LGR4: variants seen among roughly 807,000 people sequenced by gnomAD.
LGR4 encodes leucine rich repeat containing G protein-coupled receptor 4.
A neutral mutation model predicts 84.8 loss-of-function variants in LGR4; 44 were observed. That is an observed-to-expected ratio of 0.52 (90% CI 0.41 to 0.67). LGR4 has a LOEUF of 0.67. Among genes scored for constraint, LGR4 ranks in the 30% least tolerant of loss-of-function variants. The pLI, the probability that LGR4 is intolerant of heterozygous loss-of-function variation, is 0.00. For synonymous variants in LGR4, 429 were observed against 434.3 expected, an observed-to-expected ratio of 0.99 and a Z score of 0.15; for missense variants, 1,032 against 1,131.4, an observed-to-expected ratio of 0.91 and a Z score of 1.26.
chr11:27,400,818 G>A (rs768403954), intron 2 of LGR4, among the ~76,000 whole-genome samples: 10 of 152,034 alleles, frequency 6.6e-5, no homozygotes, highest in African/African-American at 1.4e-4. Context: ...ATTTTCTACC[G>A]TTGACTTCAA....
At chr11:27,428,799 C>CA (rs1431416205) in intron 1 of LGR4, among the ~76,000 whole-genome samples, 1 of 152,128 alleles carries the variant, frequency 6.6e-6, no homozygotes, top group Non-Finnish European at 1.5e-5. Context: ...AGGCTGGACT[C>CA]AAACTCCTGG....
At chr11:27,423,951 C>G (rs544491521) in intron 1 of LGR4, among the ~76,000 whole-genome samples, 1 of 152,088 alleles carries the variant, frequency 6.6e-6, no homozygotes, top group South Asian at 2.1e-4. Flanking sequence ...ATACACACAC[C>G]CAGACACAAA....
intron 1 of LGR4, among the ~76,000 whole-genome samples, chr11:27,418,428 C>T (rs1163262523): frequency 6.6e-6 from 1 of 152,184 alleles, no homozygotes; most frequent in Non-Finnish European, 1.5e-5. Context: ...CTTCTAATGT[C>T]TGTGTTCCAT....
chr11:27,429,785 G>C (rs1000295638), intron 1 of LGR4, among the ~76,000 whole-genome samples: 1 of 152,166 alleles, frequency 6.6e-6, no homozygotes, highest in African/African-American at 2.4e-5. Context: ...AGATTTAAAA[G>C]AGCAAAGGAA....
chr11:27,371,106 T>C (rs2133360383), intron 17 of LGR4, among the ~76,000 whole-genome samples: 1 of 152,304 alleles, frequency 6.6e-6, no homozygotes, highest in East Asian at 1.9e-4. Context: ...ACAATTTGAC[T>C]AAAATATTTA....
At chr11:27,374,106 T>G in intron 13 of LGR4, 60 bp from the exon 14 acceptor site, 2 of 1,050,468 alleles carry the variant, frequency 1.9e-6, no homozygotes, top group Non-Finnish European at 3.0e-6. Context: ...GCCACTTACT[T>G]AGACTATACT....
chr11:27,372,242 C>T (rs749254259), intron 16 of LGR4, 41 bp downstream of exon 16: 20 of 1,081,088 alleles, frequency 1.8e-5, no homozygotes, highest in Admixed American at 1.5e-4. Flanking sequence ...TTAATCAATG[C>T]CTTAAAGGAG....
intron 2 of LGR4, among the ~76,000 whole-genome samples, chr11:27,401,902 C>T (rs1402790850): frequency 1.3e-5 from 2 of 152,114 alleles, no homozygotes; most frequent in Non-Finnish European, 2.9e-5. Flanking sequence ...CACGAAATAA[C>T]AAGGCATGCA....
intron 1 of LGR4, among the ~76,000 whole-genome samples, chr11:27,423,406 G>A (rs1158632998): frequency 6.6e-6 from 1 of 152,182 alleles, no homozygotes; most frequent in Non-Finnish European, 1.5e-5. Flanking sequence ...TTCGCCTCAG[G>A]CGATGAGGCG....
chr11:27,418,579 A>G (rs1191507685), intron 1 of LGR4, among the ~76,000 whole-genome samples: 3 of 152,188 alleles, frequency 2.0e-5, no homozygotes, highest in Non-Finnish European at 2.9e-5. Context: ...TGGAATCCTT[A>G]AGAGGACAGA....
At chr11:27,452,282 G>A (rs1864493705) in intron 1 of LGR4, among the ~76,000 whole-genome samples, 1 of 152,146 alleles carries the variant, frequency 6.6e-6, no homozygotes, top group African/African-American at 2.4e-5. Context: ...AGACTCACTA[G>A]AAGTTGCAAA....
chr11:27,445,027 C>T (rs1864365266), intron 1 of LGR4, among the ~76,000 whole-genome samples: 1 of 152,166 alleles, frequency 6.6e-6, no homozygotes, highest in Non-Finnish European at 1.5e-5. Context: ...TGTAAATGTG[C>T]TTATTTCAAA....
At chr11:27,388,794 T>C (rs1863232180) in intron 4 of LGR4, among the ~76,000 whole-genome samples, 1 of 152,156 alleles carries the variant, frequency 6.6e-6, no homozygotes, top group Non-Finnish European at 1.5e-5. Flanking sequence ...ATTTTAAAAC[T>C]GAGAAAAACC....
intron 10 of LGR4, chr11:27,379,151 G>T: frequency 5.0e-6 from 1 of 199,592 alleles, no homozygotes; most frequent in Non-Finnish European, 9.9e-6. Flanking sequence ...TTTTCTTTCA[G>T]TCAAACTGGC....
At position 27,369,239 on chromosome 11, in the gene LGR4, C is replaced by T. The variant is rs536392836; in HGVS notation, c.1580-96G>A. 6.3e-6 allele frequency: 6 copies of T among 951,338 alleles called. No individual in the cohort carries two copies. The African/African-American group carries it at 6.6e-5, about 11-fold the overall frequency. The allele number at this position is 951,338 out of a possible 1,614,324, so 58.9% of individuals were successfully genotyped here. On this transcript the variant is annotated intron_variant, in intron 17 of 17. Coordinates refer to ENST00000379214, the MANE Select transcript of LGR4 (RefSeq NM_018490.5). ...TTGATAGAAAAACTAATGATATAGA[C>T]TAATTAAATCTGCTCTCTACTTGAA...
chr11:27,367,610 C>A lies in LGR4; in HGVS notation c.*257G>T. On this transcript the variant is annotated 3_prime_UTR_variant, in exon 18 of 18. Coordinates refer to ENST00000379214, the MANE Select transcript of LGR4 (RefSeq NM_018490.5). ...CTAACATTATATTGCTCTACTACACCTAAGATCCTTTTCAAGTCATATATT... is the reference window on the plus strand; with the variant it reads ...CTAACATTATATTGCTCTACTACACATAAGATCCTTTTCAAGTCATATATT... 2.9e-6 allele frequency: 1 copy of A among 340,192 alleles called. No homozygotes were observed. Among genetic ancestry groups the A allele is most frequent in the African/African-American group, 2.1e-5 (1 of 47,596 alleles). The allele number at this position is 340,192 out of a possible 1,614,324, so 21.1% of individuals were successfully genotyped here.
intron 1 of LGR4, among the ~76,000 whole-genome samples, chr11:27,416,318 T>G (rs1261754040): frequency 6.6e-6 from 1 of 152,200 alleles, no homozygotes; most frequent in Non-Finnish European, 1.5e-5. Context: ...GTGTGATCTT[T>G]GGCAAATTGA....
chr11:27,440,916 G>A (rs1001588825), intron 1 of LGR4, among the ~76,000 whole-genome samples: 3 of 152,118 alleles, frequency 2.0e-5, no homozygotes, highest in Non-Finnish European at 4.4e-5. Flanking sequence ...CAGCCCTCCT[G>A]GTGATTCGAA....
intron 6 of LGR4, among the ~76,000 whole-genome samples, chr11:27,383,056 G>T (rs1324066722): frequency 6.6e-6 from 1 of 152,052 alleles, no homozygotes; most frequent in Admixed American, 6.6e-5. Context: ...TAATCAGAAG[G>T]ACCAGGGTAG....
Sources: gnomAD v4.1 joint callset for allele counts (sites outside exome capture counted in the v4.1 genomes callset) on GRCh38, gnomAD v4.1.1 for gene constraint, MANE v1.5 for transcripts, NCBI Gene and HGNC (gene_info 2026-07-23, HGNC 2026-07-21) for gene names.